The following HIPK3 variants were observed in gnomAD, a reference collection of about 807,000 sequenced individuals.
HIPK3 encodes homeodomain-interacting protein kinase 3.
In HIPK3, 47 loss-of-function variants were observed where a neutral mutation model predicts 124.2. The observed-to-expected ratio is 0.38, with a 90% CI of 0.30 to 0.48. The LOEUF (loss-of-function observed/expected upper bound fraction) is 0.48. Ranked by LOEUF, HIPK3 falls within the 20% of genes least tolerant of loss-of-function variation. HIPK3 has a pLI of 0.98. For missense variants in HIPK3, 1,286 were observed against 1,454.3 expected, an observed-to-expected ratio of 0.88 and a Z score of 1.88; for synonymous variants, 482 against 515.2, an observed-to-expected ratio of 0.94 and a Z score of 0.87.
chr11:33,270,443 G>A lies in HIPK3; in HGVS notation c.-3+12554G>A, dbSNP rs199940949. On this transcript the variant is annotated intron_variant, in intron 1 of 16. Transcript: ENST00000303296. ...CTTGCCTCAGCCTCCCAAGTAGCTGGGATTACAGGCGCCTGCCACCACGCC... is the reference window on the plus strand; with the variant it reads ...CTTGCCTCAGCCTCCCAAGTAGCTGAGATTACAGGCGCCTGCCACCACGCC... 5.3e-5 allele frequency among the ~76,000 whole-genome samples: 8 copies of A among 152,082 alleles called. No homozygotes were observed. The East Asian group carries it at 1.5e-3, about 29-fold the overall frequency.
chr11:33,307,538 A>G (rs1185244187), intron 2 of HIPK3, among the ~76,000 whole-genome samples: 3 of 150,824 alleles, frequency 2.0e-5, no homozygotes, highest in Non-Finnish European at 3.0e-5. Flanking sequence ...AGCTGGGACT[A>G]CAGGCGCCTG....
chr11:33,261,395 T>G (rs1850823727), intron 1 of HIPK3, among the ~76,000 whole-genome samples: 1 of 152,000 alleles, frequency 6.6e-6, no homozygotes, highest in Non-Finnish European at 1.5e-5. Flanking sequence ...GGTCCCAGTG[T>G]CTGTTGTTCC....
In HIPK3 at chr11:33,341,045, C is replaced by T; in HGVS notation, c.1691C>T (p.Thr564Ile). 1.2e-6 allele frequency: 2 copies of T among 1,610,998 alleles called. No individual in the cohort carries two copies. Among genetic ancestry groups the T allele is most frequent in the Non-Finnish European group, 1.7e-6 (2 of 1,177,730 alleles). The change falls in exon 7 of 17, where the codon ACT becomes ATT. Residue 564 changes from threonine (T) to isoleucine (I), a missense_variant. Physicochemically the swap from Thr to Ile is moderately conservative, Grantham distance 89. Around this residue, in one of 3 missense-constraint regions of HIPK3, gnomAD observed 810 missense variants for 864.9 expected, o/e 0.94. Coordinates refer to ENST00000303296, the MANE Select transcript of HIPK3 (RefSeq NM_005734.5). ...NSCDTNNHNK[T>I]SLLRPVASSS... ...TGTGACACAAATAATCACAACAAAA[C>T]TTCACTTTTAAGACCAGTTGCTTCA...
At chr11:33,267,313 A>AGCC (rs1450760076) in intron 1 of HIPK3, among the ~76,000 whole-genome samples, 1 of 151,376 alleles carries the variant, frequency 6.6e-6, no homozygotes, top group Admixed American at 6.6e-5. Context: ...GGGTTTCACC[A>AGCC]TGTTGGTCAG....
rs1322387750 is a variant in HIPK3, at chr11:33,348,237, G to A, written c.2369+9G>A. The A allele has an allele frequency of 1.6e-5, 25 of 1,610,756 alleles. No individual in the cohort carries two copies. The highest frequency in any genetic ancestry group is 4.4e-5 in the South Asian group (4 of 90,844). On this transcript the variant is annotated intron_variant, in intron 12 of 16. Coordinates refer to ENST00000303296, the MANE Select transcript of HIPK3 (RefSeq NM_005734.5). ...ATAAATGCTTTCAGTTGGTAAGATT[G>A]TCTTTATTGCCCTTTTGATTTATTA...
intron 1 of HIPK3, among the ~76,000 whole-genome samples, chr11:33,259,821 C>G (rs1250474151): frequency 3.4e-5 from 4 of 118,144 alleles, no homozygotes; most frequent in Non-Finnish European, 6.6e-5. Flanking sequence ...AAGGGGATCT[C>G]TTTTCTAAGA....
At position 33,341,590 on chromosome 11, in the gene HIPK3, G is replaced by T. The variant is rs944240011; in HGVS notation, c.1801G>T (p.Val601Leu). ...QALTTSAHSV[V>L]HHGIPLQAGT... ...ATTGACCACATCTGCTCATTCAGTTGTGCACCATGGAATACCTCTGCAGGC... is the reference window on the plus strand; with the variant it reads ...ATTGACCACATCTGCTCATTCAGTTTTGCACCATGGAATACCTCTGCAGGC... Residue 601 changes from valine (V) to leucine (L), a missense_variant, in exon 8 of 17, where the codon GTG becomes TTG. Physicochemically the swap from Val to Leu is conservative, Grantham distance 32. This residue lies in a region of HIPK3 where 810 missense variants were observed against 864.9 expected (regional missense o/e 0.94). Coordinates refer to ENST00000303296, the MANE Select transcript of HIPK3 (RefSeq NM_005734.5). 1 of 1,613,666 alleles carries T rather than the reference G, an allele frequency of 6.2e-7. No homozygotes were observed. Among genetic ancestry groups the T allele is most frequent in the African/African-American group, 1.3e-5 (1 of 75,034 alleles).
At chr11:33,292,523 G>C (rs1477157018) in intron 2 of HIPK3, among the ~76,000 whole-genome samples, 2 of 152,114 alleles carry the variant, frequency 1.3e-5, no homozygotes, top group African/African-American at 4.8e-5. Flanking sequence ...AATGACCCTT[G>C]AGAGCACAGC....
intron 2 of HIPK3, among the ~76,000 whole-genome samples, chr11:33,289,853 T>C (rs1328390614): frequency 6.6e-6 from 1 of 152,196 alleles, no homozygotes; most frequent in African/African-American, 2.4e-5. Flanking sequence ...CATTCTACTC[T>C]ATCTCCATGA....
intron 1 of HIPK3, among the ~76,000 whole-genome samples, chr11:33,263,213 G>T (rs1244533326): frequency 2.0e-5 from 3 of 152,114 alleles, no homozygotes; most frequent in Admixed American, 6.6e-5. Context: ...TTCCCATTCT[G>T]TAGGAGACTG....
chr11:33,330,290 A>G (rs1047790846), intron 3 of HIPK3, among the ~76,000 whole-genome samples: 2 of 152,170 alleles, frequency 1.3e-5, no homozygotes, highest in South Asian at 2.1e-4. Flanking sequence ...TATAGCATCA[A>G]TAGTCTCACA....
chr11:33,299,868 CA>C, intron 2 of HIPK3, among the ~76,000 whole-genome samples: 1 of 150,972 alleles, frequency 6.6e-6, no homozygotes, highest in South Asian at 2.1e-4. Context: ...TACAAAAACA[CA>C]AAAATTAGCT....
At chr11:33,285,604 GCAGA>G (rs1407589985) in intron 1 of HIPK3, among the ~76,000 whole-genome samples, 4 of 150,694 alleles carry the variant, frequency 2.7e-5, no homozygotes, top group Middle Eastern at 3.2e-3. Flanking sequence ...TATAGTTAAA[GCAGA>G]CATAGATTTT....
intron 1 of HIPK3, chr11:33,258,316 G>A: frequency 1.0e-6 from 1 of 985,448 alleles, no homozygotes; most frequent in Non-Finnish European, 1.2e-6. Context: ...CCGTAACTAC[G>A]GAGATCCCTT....
rs557784905 is a variant in HIPK3 at position 33,294,358 on chromosome 11, C to T, written c.1097+6847C>T. Reference sequence around the variant, plus strand: ...TTCATGCAGATTCCCCAGTGTTTCACGTTAGTGTTTGACCACCCTAGTTTT... The same window carrying T: ...TTCATGCAGATTCCCCAGTGTTTCATGTTAGTGTTTGACCACCCTAGTTTT... On this transcript the variant is annotated intron_variant, in intron 2 of 16. Coordinates refer to ENST00000303296, the MANE Select transcript of HIPK3 (RefSeq NM_005734.5). Among the ~76,000 whole-genome samples the T allele has an allele frequency of 7.2e-4, 110 of 152,134 alleles. 1 individual carries two copies. The highest frequency in any genetic ancestry group is 1.4e-3 in the Non-Finnish European group (95 of 68,008).
At chr11:33,319,944 T>C (rs1242744204) in intron 2 of HIPK3, among the ~76,000 whole-genome samples, 1 of 152,208 alleles carries the variant, frequency 6.6e-6, no homozygotes, top group Non-Finnish European at 1.5e-5. Flanking sequence ...CTATTTAAGA[T>C]GGTCAGGGAA....
chr11:33,293,044 A>G (rs1851742520), intron 2 of HIPK3, among the ~76,000 whole-genome samples: 1 of 152,126 alleles, frequency 6.6e-6, no homozygotes, highest in Non-Finnish European at 1.5e-5. Context: ...GCCAAATGAA[A>G]TGGTTTTCAG....
At chr11:33,323,859 TCTAA>T (rs576036350) in intron 2 of HIPK3, among the ~76,000 whole-genome samples, 11 of 152,236 alleles carry the variant, frequency 7.2e-5, no homozygotes, top group Non-Finnish European at 1.2e-4. Flanking sequence ...ACACTTACCT[TCTAA>T]CTGTGAGTTA....
chr11:33,285,836 A>G (rs1369607430), intron 1 of HIPK3, among the ~76,000 whole-genome samples: 2 of 151,914 alleles, frequency 1.3e-5, no homozygotes, highest in African/African-American at 2.4e-5. Flanking sequence ...CAGTGGTGCA[A>G]TCTCGGCTCA....
Sources: allele counts gnomAD v4.1 joint callset (sites outside exome capture counted in the v4.1 genomes callset), GRCh38; gene constraint gnomAD v4.1.1; regional missense constraint gnomAD v4.1.1; transcripts MANE v1.5; gene names NCBI Gene and HGNC (gene_info 2026-07-23, HGNC 2026-07-21).